TSHZ2: variants seen among roughly 807,000 people sequenced by gnomAD.
TSHZ2 encodes the protein teashirt homolog 2.
TSHZ2 carries 21 observed loss-of-function variants against 74.4 expected under a neutral mutation model. The observed-to-expected ratio is 0.28, with a 90% CI of 0.20 to 0.41. The LOEUF (loss-of-function observed/expected upper bound fraction) is 0.41. TSHZ2 is among the 10% of genes least tolerant of loss of function. TSHZ2 has a pLI of 1.00. For synonymous variants in TSHZ2, 540 were observed against 515.3 expected, an observed-to-expected ratio of 1.05 and a Z score of -0.65; for missense variants, 1,244 against 1,293.5, an observed-to-expected ratio of 0.96 and a Z score of 0.59.
intron 1 of TSHZ2, among the ~76,000 whole-genome samples, chr20:53,052,346 G>A (rs1238423919): frequency 6.6e-6 from 1 of 152,212 alleles, no homozygotes; most frequent in East Asian, 1.9e-4. Context: ...AGCAGGAAGT[G>A]AGTGGAGGAC....
chr20:53,232,655 A>C (rs911485615), intron 1 of TSHZ2, among the ~76,000 whole-genome samples: 1 of 152,194 alleles, frequency 6.6e-6, no homozygotes, highest in Non-Finnish European at 1.5e-5. Flanking sequence ...GCTGGAGCCC[A>C]GGAGTTAGAG....
At chr20:53,059,704 CTA>C (rs1984757829) in intron 1 of TSHZ2, among the ~76,000 whole-genome samples, 1 of 152,172 alleles carries the variant, frequency 6.6e-6, no homozygotes, top group Non-Finnish European at 1.5e-5. Context: ...ATGAAGAATT[CTA>C]TCTCACTTAT....
chr20:53,400,497 A>C (rs1982618232), intron 2 of TSHZ2: 1 of 152,244 alleles, frequency 6.6e-6, no homozygotes, highest in African/African-American at 2.4e-5. Flanking sequence ...CCTATGAGGA[A>C]GAATGTGCTT....
rs1568736288 is a variant in TSHZ2 at position 53,050,128 on chromosome 20, CATATATATATGTGTATATATATAT to C, written c.40+76797_40+76820del. Among the ~76,000 whole-genome samples the C allele has an allele frequency of 8.1e-5, 6 of 74,136 alleles. No individual in the cohort carries two copies. In the South Asian group the frequency reaches 1.9e-3, roughly 23 times the overall value. 48.6% of individuals were successfully genotyped at this position (74,136 alleles called of 152,430 possible). The stretch of plus-strand genomic sequence containing the variant: ...GTATATATATATATATATATATACA[CATATATATATGTGTATATATATAT>C]ACACATATATATGTACATATATACA... On this transcript the variant is annotated intron_variant, in intron 1 of 2. Transcript: ENST00000371497.
At chr20:53,021,150 C>T (rs1983231940) in intron 1 of TSHZ2, among the ~76,000 whole-genome samples, 1 of 152,178 alleles carries the variant, frequency 6.6e-6, no homozygotes, top group African/African-American at 2.4e-5. Flanking sequence ...CAGCCCTTCC[C>T]CTAACGCTGT....
At chr20:53,032,563 G>A (rs747951388) in intron 1 of TSHZ2, among the ~76,000 whole-genome samples, 5 of 152,190 alleles carry the variant, frequency 3.3e-5, no homozygotes, top group Admixed American at 6.5e-5. Context: ...AGAGGCCAGC[G>A]ATTGTTTTGT....
At chr20:53,432,009 G>A (rs1371464911) in intron 2 of TSHZ2, among the ~76,000 whole-genome samples, 2 of 152,136 alleles carry the variant, frequency 1.3e-5, no homozygotes, top group East Asian at 3.9e-4. Flanking sequence ...TAGCTTTAGG[G>A]GTATACACAG....
chr20:53,076,309 T>A (rs1418325042), intron 1 of TSHZ2, among the ~76,000 whole-genome samples: 4 of 152,038 alleles, frequency 2.6e-5, no homozygotes, highest in South Asian at 2.1e-4. Flanking sequence ...ACCAGAAAAA[T>A]TGCTGAATTT....
chr20:53,093,661 CT>C (rs1985953826), intron 1 of TSHZ2, among the ~76,000 whole-genome samples: 1 of 152,180 alleles, frequency 6.6e-6, no homozygotes, highest in Non-Finnish European at 1.5e-5. Flanking sequence ...TCAGAGAAGT[CT>C]TTATCATTCT....
At chr20:53,130,319 T>A (rs973881950) in intron 1 of TSHZ2, among the ~76,000 whole-genome samples, 1 of 152,080 alleles carries the variant, frequency 6.6e-6, no homozygotes, top group Non-Finnish European at 1.5e-5. Flanking sequence ...TTATTTGTTG[T>A]TGTTATTTAA....
At chr20:53,087,044 T>C (rs1043767055) in intron 1 of TSHZ2, among the ~76,000 whole-genome samples, 4 of 152,088 alleles carry the variant, frequency 2.6e-5, no homozygotes, top group African/African-American at 7.2e-5. Flanking sequence ...AAGGAACCTA[T>C]GAGTAGACTC....
chr20:52,985,471 T>C (rs972406189), intron 1 of TSHZ2, among the ~76,000 whole-genome samples: 1 of 152,168 alleles, frequency 6.6e-6, no homozygotes, highest in South Asian at 2.1e-4. Context: ...TTGATTTCCT[T>C]ATTGGTAGAA....
intron 1 of TSHZ2, among the ~76,000 whole-genome samples, chr20:53,135,578 ATGTT>A (rs1283278339): frequency 6.6e-6 from 1 of 151,936 alleles, no homozygotes; most frequent in Non-Finnish European, 1.5e-5. Flanking sequence ...CTGGTTAAGT[ATGTT>A]TGTTTATTTT....
chr20:52,987,280 C>T (rs1981803153), intron 1 of TSHZ2, among the ~76,000 whole-genome samples: 1 of 152,092 alleles, frequency 6.6e-6, no homozygotes, highest in Non-Finnish European at 1.5e-5. Context: ...TGCTAAAATG[C>T]AAATTTGCAG....
intron 1 of TSHZ2, among the ~76,000 whole-genome samples, chr20:53,009,866 A>G (rs1172900386): frequency 1.3e-5 from 2 of 152,104 alleles, no homozygotes; most frequent in African/African-American, 2.4e-5. Context: ...ATTACCCAAA[A>G]TTCCCCCCAA....
rs1981183793 is a variant in TSHZ2 at position 52,973,033 on chromosome 20, C to T, written c.-261C>T. ...GAGAGGAAAAAAAATTCAAAATAAA[C>T]AAACAAACAAACAAGGCAGAACCAA... is the stretch of plus-strand genomic sequence containing the variant. On this transcript the variant is annotated 5_prime_UTR_variant, in exon 1 of 3. It introduces an in-frame stop codon into an upstream open reading frame of the 5' UTR. Transcript: ENST00000371497. 2 of 385,090 alleles carry T rather than the reference C, an allele frequency of 5.2e-6. No homozygotes were observed. Among genetic ancestry groups the T allele is most frequent in the Non-Finnish European group, 9.2e-6 (2 of 218,156 alleles). 23.9% of individuals were successfully genotyped at this position (385,090 alleles called of 1,614,324 possible). A position where few individuals can be genotyped will look rare whatever the true frequency, so the allele number is the denominator to read the frequency against.
chr20:53,061,252 T>G (rs1004486366), intron 1 of TSHZ2, among the ~76,000 whole-genome samples: 2 of 152,296 alleles, frequency 1.3e-5, no homozygotes, highest in South Asian at 2.1e-4. Context: ...TTTAAGCACA[T>G]AGAGGAATTC....
rs1052919493 is a variant in TSHZ2 at position 53,084,237 on chromosome 20, A to G, written c.40+110904A>G. 2.8e-4 allele frequency among the ~76,000 whole-genome samples: 43 copies of G among 152,182 alleles called. 1 individual carries two copies. The highest frequency in any genetic ancestry group is 5.4e-4 in the Non-Finnish European group (37 of 68,026). On this transcript the variant is annotated intron_variant, in intron 1 of 2. Coordinates refer to ENST00000371497, the MANE Select transcript of TSHZ2 (RefSeq NM_173485.6). ...TGGAATCAAGAACAAGTGTTTATAT[A>G]TCGGTTAAATTGTTTTATAATGAAT...
chr20:53,287,570 T>C (rs1991192760), intron 2 of TSHZ2, among the ~76,000 whole-genome samples: 1 of 152,196 alleles, frequency 6.6e-6, no homozygotes, highest in South Asian at 2.1e-4. Flanking sequence ...ACTTATCTGT[T>C]GAGTATCCCC....
Sources: gnomAD v4.1 joint callset for allele counts (sites outside exome capture counted in the v4.1 genomes callset) on GRCh38, gnomAD v4.1.1 for gene constraint, MANE v1.5 for transcripts, NCBI Gene and HGNC (gene_info 2026-07-23, HGNC 2026-07-21) for gene names.